The following PPP2R2D variants were observed in gnomAD, a reference collection of about 807,000 sequenced individuals.
PPP2R2D encodes the protein protein phosphatase 2 regulatory subunit Bdelta.
Under a neutral mutation model 31.1 loss-of-function variants are expected in PPP2R2D, and 9 were observed. The observed-to-expected ratio is 0.29, with a 90% CI of 0.17 to 0.51. PPP2R2D has a LOEUF of 0.51. PPP2R2D is among the 20% of genes least tolerant of loss of function. PPP2R2D has a pLI of 0.98. For missense variants in PPP2R2D, 391 were observed against 465.6 expected (o/e 0.84, Z 1.48); for synonymous variants, 179 against 172.6 (o/e 1.04, Z -0.29).
At position 131,942,983 on chromosome 10, in the gene PPP2R2D, G is replaced by A. The variant is rs534483403; in HGVS notation, c.478-985G>A. 2.6e-5 allele frequency among the ~76,000 whole-genome samples: 4 copies of A among 152,280 alleles called. No individual in the cohort carries two copies. In the South Asian group the frequency reaches 6.2e-4, roughly 24 times the overall value. On this transcript the variant is annotated intron_variant, in intron 5 of 8. Transcript: ENST00000455566. ...ACAGAATTCAGCCAGACAAGACTCA[G>A]TTGAGAGCTTTTCTTTTTCCCCTAA...
chr10:131,951,532 G>C (rs2036636134), intron 8 of PPP2R2D, among the ~76,000 whole-genome samples: 1 of 152,164 alleles, frequency 6.6e-6, no homozygotes, highest in African/African-American at 2.4e-5. Context: ...TTAAGAATCT[G>C]TAACTATTGG....
Position 131,919,084 on chromosome 10 carries a change from GTGTT to G in PPP2R2D, c.101-15370_101-15367del, listed in dbSNP as rs1187794949. Among the ~76,000 whole-genome samples, 22 of 128,846 alleles carry G rather than the reference GTGTT, an allele frequency of 1.7e-4. 2 individuals are homozygous for G. The highest frequency in any genetic ancestry group is 2.9e-4 in the African/African-American group (10 of 33,994). The allele number at this position is 128,846 out of a possible 152,430, so 84.5% of individuals were successfully genotyped here. On this transcript the variant is annotated intron_variant, in intron 2 of 8. Coordinates refer to ENST00000455566, the MANE Select transcript of PPP2R2D (RefSeq NM_018461.5). Reference sequence around the variant, plus strand: ...GACCTCAGGCGGGTGGAGTGACACAGTGTTTGTAGGGACGTCAGGCGGCTGGAAT... The same window carrying G: ...GACCTCAGGCGGGTGGAGTGACACAGTGTAGGGACGTCAGGCGGCTGGAAT...
intron 2 of PPP2R2D, among the ~76,000 whole-genome samples, chr10:131,921,381 T>G (rs2035985322): frequency 6.6e-6 from 1 of 152,066 alleles, no homozygotes; most frequent in Non-Finnish European, 1.5e-5. Flanking sequence ...GCTTCGGCAG[T>G]TAAGAGTTCA....
At chr10:131,924,855 A>T (rs1189036150) in intron 2 of PPP2R2D, among the ~76,000 whole-genome samples, 2 of 151,994 alleles carry the variant, frequency 1.3e-5, no homozygotes, top group Non-Finnish European at 2.9e-5. Flanking sequence ...TGCAGTTTTC[A>T]ATGTACAAAT....
At chr10:131,944,905 TGGC>T (rs1327337891) in intron 6 of PPP2R2D, among the ~76,000 whole-genome samples, 1 of 152,218 alleles carries the variant, frequency 6.6e-6, no homozygotes, top group Non-Finnish European at 1.5e-5. Context: ...TTTTGGAATT[TGGC>T]GGCATTCTTG....
chr10:131,915,116 G>T (rs1182239172), intron 2 of PPP2R2D, among the ~76,000 whole-genome samples: 3 of 150,678 alleles, frequency 2.0e-5, no homozygotes, highest in Non-Finnish European at 4.4e-5. Flanking sequence ...CAATAGTTCT[G>T]TTCCAGAATC....
Position 131,940,649 on chromosome 10 carries a change from C to T in PPP2R2D, c.432C>T (p.Asp144=), listed in dbSNP as rs118091986. The T allele has an allele frequency of 1.8e-4, 141 of 778,576 alleles. No homozygotes were observed. In the East Asian group the frequency reaches 3.0e-3, roughly 16 times the overall value. The allele number at this position is 778,576 out of a possible 1,614,324, so 48.2% of individuals were successfully genotyped here. ...DKRAEGYNLK[D]EDGRLRDPFR... is the part of the protein sequence containing the mutation. ...GAGCAGAAGGTTATAACCTGAAAGACGAAGATGGAAGACTTCGAGACCCAT... is the reference window on the plus strand; with the variant it reads ...GAGCAGAAGGTTATAACCTGAAAGATGAAGATGGAAGACTTCGAGACCCAT... The change falls in exon 5 of 9, where the codon GAC becomes GAT. Residue 144 remains aspartate (D), a synonymous_variant. Transcript: ENST00000455566.
At chr10:131,966,002 TAATA>T in the PPP2R2D span, among the ~76,000 whole-genome samples, 1 of 152,254 alleles carries the variant, frequency 6.6e-6, no homozygotes, top group Non-Finnish European at 1.5e-5. Context: ...AATCATGTTA[TAATA>T]AATACTGCGT....
intron 2 of PPP2R2D, among the ~76,000 whole-genome samples, chr10:131,902,299 C>T (rs1481988106): frequency 1.3e-5 from 2 of 152,164 alleles, no homozygotes; most frequent in African/African-American, 2.4e-5. Context: ...ATACACCTTC[C>T]CTGCCTCAAG....
At chr10:131,901,890 G>C (rs1349581587) in intron 2 of PPP2R2D, among the ~76,000 whole-genome samples, 5 of 152,206 alleles carry the variant, frequency 3.3e-5, no homozygotes, top group African/African-American at 1.2e-4. Flanking sequence ...TAAAATCCTT[G>C]AATTTTACTG....
In PPP2R2D at chr10:131,955,737, C is replaced by A; in HGVS notation, c.1136C>A (p.Thr379Lys). 6.5e-7 allele frequency: 1 copy of A among 1,531,766 alleles called. No individual in the cohort carries two copies. Among genetic ancestry groups the A allele is most frequent in the Non-Finnish European group, 8.8e-7 (1 of 1,134,086 alleles). 94.9% of individuals were successfully genotyped at this position (1,531,766 alleles called of 1,614,324 possible). The change falls in exon 9 of 9, where the codon ACG becomes AAG. Residue 379 changes from threonine to lysine, a missense_variant. By Grantham distance (78) the Thr-to-Lys change is moderately conservative. Around this residue, in one of 3 missense-constraint regions of PPP2R2D, gnomAD observed 163 missense variants for 179.5 expected, o/e 0.91. Transcript: ENST00000455566. ...NNFFRMFDRD[T>K]RRDVTLEASR... The stretch of plus-strand genomic sequence containing the variant: ...TTCTTCAGGATGTTTGATAGAGACA[C>A]GCGGAGGGATGTGACCCTGGAGGCC...
intron 2 of PPP2R2D, among the ~76,000 whole-genome samples, chr10:131,913,019 T>C (rs1473964530): frequency 6.6e-6 from 1 of 152,094 alleles, no homozygotes; most frequent in Non-Finnish European, 1.5e-5. Context: ...GTGGTTTTTT[T>C]GGTTTGTGTG....
At chr10:131,929,624 G>A (rs1554895403) in intron 2 of PPP2R2D, among the ~76,000 whole-genome samples, 38 of 152,008 alleles carry the variant, frequency 2.5e-4, no homozygotes. Context: ...TGGAAACAGT[G>A]CAGCCTGAGG....
intron 2 of PPP2R2D, among the ~76,000 whole-genome samples, chr10:131,903,466 CAAAAAAAAAAAA>C (rs1175160035): frequency 1.3e-5 from 1 of 74,434 alleles, no homozygotes; most frequent in South Asian, 5.6e-4. Flanking sequence ...GGCTCCATCT[CAAAAAAAAAAAA>C]AAAAAAAAAA....
intron 2 of PPP2R2D, among the ~76,000 whole-genome samples, chr10:131,929,909 C>T (rs1447095502): frequency 1.3e-5 from 2 of 152,162 alleles, no homozygotes; most frequent in Non-Finnish European, 2.9e-5. Context: ...GAGGCCGCCC[C>T]GGTTGTAACT....
chr10:131,962,337 C>T (rs546303830), downstream of PPP2R2D, among the ~76,000 whole-genome samples: 6 of 152,300 alleles, frequency 3.9e-5, no homozygotes, highest in South Asian at 1.0e-3. Flanking sequence ...CAGCTCCACG[C>T]GGTCACCTTC....
chr10:131,918,703 T>TTA (rs1554893637), intron 2 of PPP2R2D, among the ~76,000 whole-genome samples: 4 of 133,686 alleles, frequency 3.0e-5, no homozygotes, highest in Admixed American at 7.8e-5. Context: ...GCGGGTGGAA[T>TTA]GACAGTGTTT....
intron 2 of PPP2R2D, among the ~76,000 whole-genome samples, chr10:131,920,177 T>G (rs2035949867): frequency 2.2e-5 from 3 of 138,226 alleles, no homozygotes; most frequent in Non-Finnish European, 3.1e-5. Flanking sequence ...ACAGTGTTTG[T>G]AGGGACCTGA....
chr10:131,921,481 G>A (rs1423789216), intron 2 of PPP2R2D, among the ~76,000 whole-genome samples: 1 of 152,146 alleles, frequency 6.6e-6, no homozygotes, highest in African/African-American at 2.4e-5. Flanking sequence ...GGATGGGCCT[G>A]GACCGGGATG....
Sources: gnomAD v4.1 joint callset for allele counts (sites outside exome capture counted in the v4.1 genomes callset) on GRCh38, gnomAD v4.1.1 for gene constraint, gnomAD v4.1.1 regional missense constraint, MANE v1.5 for transcripts, NCBI Gene and HGNC (gene_info 2026-07-23, HGNC 2026-07-21) for gene names.